Variants in CYB5R4 observed in about 807,000 individuals in gnomAD.
CYB5R4 encodes cytochrome b5 reductase 4, also known as N-terminal cytochrome b5 and cytochrome b5 oxidoreductase domain-containing protein.
In CYB5R4, 55 loss-of-function variants were observed where a neutral mutation model predicts 70.2. That is an observed-to-expected ratio of 0.78 (90% confidence interval 0.63 to 0.98). The LOEUF is 0.98. CYB5R4 is among the 50% of genes least tolerant of loss of function. The pLI is 0.00. For synonymous variants in CYB5R4, 197 were observed against 199.5 expected (o/e 0.99, Z 0.11); for missense variants, 562 against 612.6 (o/e 0.92, Z 0.87).
chr6:83,923,840 C>T (rs868049894), intron 9 of CYB5R4, among the ~76,000 whole-genome samples: 1 of 151,434 alleles, frequency 6.6e-6, no homozygotes, highest in African/African-American at 2.4e-5. Context: ...CTGACATGGG[C>T]GGATCTCGAG....
intron 4 of CYB5R4, 124 bp from the exon 5 acceptor site, chr6:83,914,292 C>A: frequency 9.4e-7 from 1 of 1,061,694 alleles, no homozygotes; most frequent in Non-Finnish European, 1.3e-6. Flanking sequence ...TTTCTCTCCT[C>A]AGGCCTTAGA....
Position 83,966,340 on chromosome 6 carries a change from G to C in CYB5R4, c.*6462G>C, listed in dbSNP as rs1236997967. ...TAAGACTAAACTAGAAAGAACATAA[G>C]AGGAAATACATATTATATAAGAAGA... On this transcript the variant is annotated 3_prime_UTR_variant, in exon 16 of 16. Coordinates refer to ENST00000369681, the MANE Select transcript of CYB5R4 (RefSeq NM_016230.4). 6.6e-6 allele frequency: 1 copy of C among 151,982 alleles called. No homozygotes were observed. Among genetic ancestry groups the C allele is most frequent in the Non-Finnish European group, 1.5e-5 (1 of 67,992 alleles). 9.4% of individuals were successfully genotyped at this position (151,982 alleles called of 1,614,324 possible). A position where few individuals can be genotyped will look rare whatever the true frequency, so the allele number is the denominator to read the frequency against.
chr6:83,870,215 T>A (rs2099457374), intron 2 of CYB5R4, among the ~76,000 whole-genome samples: 1 of 152,240 alleles, frequency 6.6e-6, no homozygotes, highest in African/African-American at 2.4e-5. Flanking sequence ...TAATTCAGTG[T>A]TTGCAGCATA....
chr6:83,953,838 A>T (rs995694237), intron 14 of CYB5R4, among the ~76,000 whole-genome samples: 1 of 152,180 alleles, frequency 6.6e-6, no homozygotes, highest in Non-Finnish European at 1.5e-5. Context: ...ATACATTTGT[A>T]TTTCAAGACT....
intron 2 of CYB5R4, among the ~76,000 whole-genome samples, chr6:83,869,024 G>T (rs995988192): frequency 6.6e-6 from 1 of 152,080 alleles, no homozygotes; most frequent in African/African-American, 2.4e-5. Flanking sequence ...TTCTCCAAAT[G>T]GTATTTTAAT....
At chr6:83,874,141 T>TCCCC (rs2099458127) in intron 2 of CYB5R4, among the ~76,000 whole-genome samples, 2 of 9,182 alleles carry the variant, frequency 2.2e-4, no homozygotes, top group Non-Finnish European at 3.9e-4. Flanking sequence ...CTCCCCTCCC[T>TCCCC]TCCCCTCCCC....
In CYB5R4 at chr6:83,960,051, G is replaced by A. The variant is rs1289740917; in HGVS notation, c.*173G>A. 4.3e-6 allele frequency: 2 copies of A among 460,338 alleles called. No homozygotes were observed. Among genetic ancestry groups the A allele is most frequent in the African/African-American group, 2.1e-5 (1 of 48,484 alleles). The allele number at this position is 460,338 out of a possible 1,614,324, so 28.5% of individuals were successfully genotyped here. ...ACAGGTAACTTCTTGGCTTTCTTTT[G>A]TACCACAACTTATTTTACTACTGAT... On this transcript the variant is annotated 3_prime_UTR_variant, in exon 16 of 16. Coordinates refer to ENST00000369681, the MANE Select transcript of CYB5R4 (RefSeq NM_016230.4).
intron 14 of CYB5R4, among the ~76,000 whole-genome samples, chr6:83,944,415 T>TA (rs199865985): frequency 2.6e-5 from 4 of 152,280 alleles, no homozygotes; most frequent in East Asian, 3.9e-4. Flanking sequence ...AGGCCTGCCT[T>TA]ACAAGAGTTC....
chr6:83,886,345 G>A lies in CYB5R4; in HGVS notation c.230-7177G>A, dbSNP rs565034565. ...ATTATATTTCCACATGAACTTTAGA[G>A]GGGACAAATATTTAAACAATAGCAA... On this transcript the variant is annotated intron_variant, in intron 2 of 15. Coordinates refer to ENST00000369681, the MANE Select transcript of CYB5R4 (RefSeq NM_016230.4). 1.9e-4 allele frequency among the ~76,000 whole-genome samples: 29 copies of A among 152,284 alleles called. 1 individual carries two copies. The East Asian group carries it at 5.4e-3, about 28-fold the overall frequency.
intron 14 of CYB5R4, among the ~76,000 whole-genome samples, chr6:83,952,240 G>A (rs1469706926): frequency 1.3e-5 from 2 of 152,112 alleles, no homozygotes; most frequent in Admixed American, 6.6e-5. Flanking sequence ...AAAGATTTGT[G>A]TGCTCACTCC....
At position 83,881,372 on chromosome 6, in the gene CYB5R4, G is replaced by C. The variant is rs181652676; in HGVS notation, c.230-12150G>C. ...AAATTTTTTATAGAGATAGCGTCTTGCTTTGTTGCCCAGGCTGGTCTCAAA... is the reference window on the plus strand; with the variant it reads ...AAATTTTTTATAGAGATAGCGTCTTCCTTTGTTGCCCAGGCTGGTCTCAAA... On this transcript the variant is annotated intron_variant, in intron 2 of 15. Transcript: ENST00000369681. Among the ~76,000 whole-genome samples the C allele has an allele frequency of 5.1e-4, 77 of 152,090 alleles. 1 individual carries two copies. The highest frequency in any genetic ancestry group is 1.7e-3 in the African/African-American group (72 of 41,490).
At chr6:83,938,290 C>T (rs532112089) in intron 12 of CYB5R4, among the ~76,000 whole-genome samples, 9 of 152,112 alleles carry the variant, frequency 5.9e-5, no homozygotes, top group Admixed American at 1.3e-4. Flanking sequence ...GAGATTTTTG[C>T]GAACATAGCA....
chr6:83,912,112 A>AT (rs1007225025), intron 4 of CYB5R4, among the ~76,000 whole-genome samples: 3 of 148,398 alleles, frequency 2.0e-5, no homozygotes, highest in Non-Finnish European at 4.5e-5. Context: ...CGTTTATGGT[A>AT]TTTTTTGAAT....
chr6:83,893,507 T>C lies in CYB5R4; in HGVS notation c.230-15T>C, dbSNP rs9449718. 165,661 of 1,487,298 alleles carry C rather than the reference T, an allele frequency of 0.11. 17,013 individuals carry two copies. Among genetic ancestry groups the C allele is most frequent in the African/African-American group, 0.5 (35,296 of 71,150 alleles). 92.1% of individuals were successfully genotyped at this position (1,487,298 alleles called of 1,614,324 possible). On this transcript the variant is annotated splice_polypyrimidine_tract_variant and intron_variant, in intron 2 of 15. Transcript: ENST00000369681. ...AAGTTCATTTAGGATATTATTTCTG[T>C]TTGCTTTGGTACAGGTTTCGTTTAT... is the stretch of plus-strand genomic sequence containing the variant.
chr6:83,937,803 G>A (rs1419241200), intron 12 of CYB5R4, among the ~76,000 whole-genome samples: 3 of 152,238 alleles, frequency 2.0e-5, no homozygotes, highest in Non-Finnish European at 2.9e-5. Flanking sequence ...ACAGGTGTGA[G>A]CCACTGTGCC....
At chr6:83,940,643 TG>T in intron 14 of CYB5R4, 42 bp downstream of exon 14, 1 of 1,572,766 alleles carries the variant, frequency 6.4e-7, no homozygotes, top group Non-Finnish European at 8.6e-7. Context: ...TATTTATACC[TG>T]GGTAGTAAGT....
intron 3 of CYB5R4, among the ~76,000 whole-genome samples, chr6:83,898,093 G>A (rs981918631): frequency 6.6e-6 from 1 of 151,930 alleles, no homozygotes; most frequent in African/African-American, 2.4e-5. Context: ...AACATTTAAA[G>A]ACTTAAAAAC....
chr6:83,927,755 G>A (rs1037494912), intron 10 of CYB5R4, among the ~76,000 whole-genome samples: 2 of 152,066 alleles, frequency 1.3e-5, no homozygotes, highest in Non-Finnish European at 2.9e-5. Flanking sequence ...GCTTTATTAC[G>A]TAGGTGTGAT....
intron 10 of CYB5R4, among the ~76,000 whole-genome samples, chr6:83,925,387 A>G (rs1380747397): frequency 6.6e-6 from 1 of 152,196 alleles, no homozygotes; most frequent in Non-Finnish European, 1.5e-5. Flanking sequence ...ACTGGGGATT[A>G]CAATTCAACC....
Sources: allele counts gnomAD v4.1 joint callset (sites outside exome capture counted in the v4.1 genomes callset), GRCh38; gene constraint gnomAD v4.1.1; transcripts MANE v1.5; gene names NCBI Gene and HGNC (gene_info 2026-07-23, HGNC 2026-07-21).